RIMS1: variants seen among roughly 807,000 people sequenced by gnomAD.
RIMS1 encodes regulating synaptic membrane exocytosis protein 1.
A neutral mutation model predicts 214.1 loss-of-function variants in RIMS1; 83 were observed. The ratio of observed to expected loss-of-function variants is 0.39; its 90% CI spans 0.32 to 0.47. The LOEUF (loss-of-function observed/expected upper bound fraction) is 0.47, where lower values mean the gene tolerates loss of function less well. Ranked by LOEUF, RIMS1 falls within the 20% of genes least tolerant of loss-of-function variation. The pLI is 0.99. For synonymous variants in RIMS1, 793 were observed against 786.8 expected (o/e 1.01, Z -0.13); for missense variants, 2,050 against 2,161.8 (o/e 0.95, Z 1.03).
intron 1 of RIMS1, among the ~76,000 whole-genome samples, chr6:71,923,948 A>T (rs1204982688): frequency 6.6e-6 from 1 of 152,082 alleles, no homozygotes; most frequent in Non-Finnish European, 1.5e-5. Context: ...AGAGGGACTG[A>T]TTCTACTCTT....
intron 29 of RIMS1, among the ~76,000 whole-genome samples, chr6:72,385,079 T>C (rs2098562553): frequency 6.6e-6 from 1 of 152,244 alleles, no homozygotes; most frequent in South Asian, 2.1e-4. Context: ...GACTAGAGAA[T>C]ATTAAAATGC....
chr6:72,224,954 A>C (rs1431589457), intron 6 of RIMS1, among the ~76,000 whole-genome samples: 1 of 152,222 alleles, frequency 6.6e-6, no homozygotes, highest in Non-Finnish European at 1.5e-5. Flanking sequence ...CTCAACAACA[A>C]TGCGAAGGCA....
chr6:72,355,030 G>A (rs1357671237), intron 29 of RIMS1, among the ~76,000 whole-genome samples: 1 of 152,114 alleles, frequency 6.6e-6, no homozygotes, highest in Admixed American at 6.6e-5. Context: ...ATAGTGCACC[G>A]AAAATGCTAT....
rs1780541240 is a variant in RIMS1, at chr6:71,923,205, C to T, written c.164+36018C>T. ...AAAACAGTTTCTAAACAGTTCACAA[C>T]TTCTTTAGAGTTCAACTCCTAATTA... On this transcript the variant is annotated intron_variant, in intron 1 of 33. Transcript: ENST00000521978. 2.0e-5 allele frequency among the ~76,000 whole-genome samples: 3 copies of T among 152,188 alleles called. No homozygotes were observed. In the South Asian group the frequency reaches 6.2e-4, roughly 31 times the overall value.
intron 2 of RIMS1, among the ~76,000 whole-genome samples, chr6:72,055,023 C>T (rs2152190240): frequency 6.6e-6 from 1 of 152,084 alleles, no homozygotes; most frequent in Admixed American, 6.5e-5. Context: ...AATGGTATTG[C>T]CTAGGTTTTC....
intron 2 of RIMS1, among the ~76,000 whole-genome samples, chr6:72,011,051 A>T (rs1810362524): frequency 6.7e-6 from 1 of 149,166 alleles, no homozygotes; most frequent in South Asian, 2.2e-4. Flanking sequence ...ACAAAGCTGG[A>T]GTCTTCACAC....
chr6:71,903,243 C>T (rs982228155), intron 1 of RIMS1, among the ~76,000 whole-genome samples: 10 of 152,076 alleles, frequency 6.6e-5, no homozygotes, highest in African/African-American at 2.4e-4. Flanking sequence ...GGTGGTATCT[C>T]ATTGTGGTTT....
At chr6:72,364,619 C>T (rs2097926822) in intron 29 of RIMS1, among the ~76,000 whole-genome samples, 1 of 152,136 alleles carries the variant, frequency 6.6e-6, no homozygotes, top group African/African-American at 2.4e-5. Flanking sequence ...GGTCAGGCTC[C>T]CCTAAAAACA....
intron 28 of RIMS1, among the ~76,000 whole-genome samples, chr6:72,323,662 G>A (rs2096286322): frequency 6.6e-6 from 1 of 151,676 alleles, no homozygotes; most frequent in Non-Finnish European, 1.5e-5. Context: ...CTTGAATACT[G>A]AATTACAGAC....
At chr6:71,925,455 T>C (rs913567532) in intron 1 of RIMS1, among the ~76,000 whole-genome samples, 1 of 152,220 alleles carries the variant, frequency 6.6e-6, no homozygotes, top group Non-Finnish European at 1.5e-5. Flanking sequence ...ACAGGAATTA[T>C]AGAGGTAAGG....
intron 28 of RIMS1, among the ~76,000 whole-genome samples, chr6:72,319,252 G>A (rs191234679): frequency 2.0e-5 from 3 of 152,156 alleles, no homozygotes; most frequent in Admixed American, 6.5e-5. Context: ...AGGAGATGGT[G>A]AAGGGAGCCA....
At chr6:72,100,024 G>T (rs1275696131) in intron 4 of RIMS1, 38 bp downstream of exon 4, 1 of 1,542,556 alleles carries the variant, frequency 6.5e-7, no homozygotes, top group Admixed American at 1.7e-5. Flanking sequence ...ATTTGTTATT[G>T]TATTGTTGTG....
chr6:72,069,992 G>A (rs893589798), intron 2 of RIMS1, among the ~76,000 whole-genome samples: 10 of 152,270 alleles, frequency 6.6e-5, no homozygotes, highest in African/African-American at 2.4e-4. Context: ...GTTATCAATA[G>A]TTTCAGCATA....
At chr6:72,219,760 T>A (rs2057750939) in intron 6 of RIMS1, among the ~76,000 whole-genome samples, 1 of 152,050 alleles carries the variant, frequency 6.6e-6, no homozygotes, top group South Asian at 2.1e-4. Flanking sequence ...CCCTTGAAAC[T>A]TGTTCTTCTG....
chr6:72,109,324 A>G (rs1360806411), intron 4 of RIMS1, among the ~76,000 whole-genome samples: 1 of 151,158 alleles, frequency 6.6e-6, no homozygotes, highest in Non-Finnish European at 1.5e-5. Flanking sequence ...CCAACGGTGT[A>G]AAAGTGTTCC....
At chr6:72,043,834 A>T (rs1486882900) in intron 2 of RIMS1, among the ~76,000 whole-genome samples, 6 of 151,722 alleles carry the variant, frequency 4.0e-5, no homozygotes, top group Admixed American at 2.6e-4. Context: ...TGTTTATTGT[A>T]ATTTATATAT....
chr6:72,311,832 G>A (rs2095527522), intron 27 of RIMS1, among the ~76,000 whole-genome samples: 2 of 152,088 alleles, frequency 1.3e-5, no homozygotes, highest in Non-Finnish European at 2.9e-5. Context: ...CTAGCCAGGT[G>A]TGGCACCGTG....
chr6:72,098,595 G>A (rs189957492), intron 3 of RIMS1, among the ~76,000 whole-genome samples: 25 of 152,114 alleles, frequency 1.6e-4, no homozygotes, highest in Admixed American at 2.6e-4. Context: ...GCACCTGGCC[G>A]ATCAATATAT....
chr6:72,003,269 T>G (rs1012560499), intron 2 of RIMS1, among the ~76,000 whole-genome samples: 5 of 152,176 alleles, frequency 3.3e-5, no homozygotes, highest in African/African-American at 9.7e-5. Flanking sequence ...AATATTTCTG[T>G]AGCACTGGAC....
Sources: gnomAD v4.1 joint callset for allele counts (sites outside exome capture counted in the v4.1 genomes callset) on GRCh38, gnomAD v4.1.1 for gene constraint, MANE v1.5 for transcripts, NCBI Gene and HGNC (gene_info 2026-07-23, HGNC 2026-07-21) for gene names.